CCDC102B: variants seen among roughly 807,000 people sequenced by gnomAD.
The protein encoded by CCDC102B is coiled-coil domain containing 102B, also known as coiled-coil domain-containing protein 102B.
A neutral mutation model predicts 57.4 loss-of-function variants in CCDC102B; 75 were observed. The ratio of observed to expected loss-of-function variants is 1.31; its 90% CI spans 1.08 to 1.58. The LOEUF (loss-of-function observed/expected upper bound fraction) is 1.58. Ranked by LOEUF, CCDC102B falls within the 40% of genes most tolerant of loss-of-function variation. The pLI is 0.00. For synonymous variants in CCDC102B, 206 were observed against 201.9 expected (o/e 1.02, Z -0.17); for missense variants, 636 against 582.6 (o/e 1.09, Z -0.94).
intron 1 of CCDC102B, among the ~76,000 whole-genome samples, chr18:68,827,671 G>C (rs2036960176): frequency 1.3e-5 from 2 of 151,886 alleles, no homozygotes; most frequent in African/African-American, 4.8e-5. Context: ...AAATGTAAAT[G>C]GCCTAAATAG....
At chr18:68,894,691 TAA>T (rs1339789747) in intron 5 of CCDC102B, among the ~76,000 whole-genome samples, 4 of 151,968 alleles carry the variant, frequency 2.6e-5, no homozygotes, top group South Asian at 2.1e-4. Context: ...TATAATTTTA[TAA>T]GACTTTTACT....
In CCDC102B at chr18:69,011,138, C is replaced by T. The variant is rs1338625922; in HGVS notation, c.1434+34C>T. 1.9e-6 allele frequency: 3 copies of T among 1,566,322 alleles called. No homozygotes were observed. The African/African-American group carries it at 4.1e-5, about 21-fold the overall frequency. ...TTATGAGTGAACACGTGCTGGACAG[C>T]TTCTAAATAGTATTTTAGAGCATAT... is the stretch of plus-strand genomic sequence containing the variant. On this transcript the variant is annotated intron_variant, in intron 7 of 7. Coordinates refer to ENST00000360242, the MANE Select transcript of CCDC102B (RefSeq NM_024781.3).
intron 4 of CCDC102B, among the ~76,000 whole-genome samples, chr18:68,858,610 A>T (rs2038591220): frequency 6.6e-6 from 1 of 152,020 alleles, no homozygotes. Context: ...GTACTGGAGG[A>T]TGTTAGGGAG....
At chr18:68,954,888 T>A (rs2049799133) in intron 6 of CCDC102B, among the ~76,000 whole-genome samples, 1 of 152,168 alleles carries the variant, frequency 6.6e-6, no homozygotes, top group Non-Finnish European at 1.5e-5. Flanking sequence ...TATGAAAACA[T>A]CATAACCCTT....
At chr18:68,861,698 T>C (rs2038766081) in intron 4 of CCDC102B, among the ~76,000 whole-genome samples, 1 of 152,166 alleles carries the variant, frequency 6.6e-6, no homozygotes, top group Non-Finnish European at 1.5e-5. Context: ...TTTTAGATGT[T>C]AGTTTTCTTA....
chr18:68,997,462 G>C (rs2051062038), intron 6 of CCDC102B, among the ~76,000 whole-genome samples: 1 of 152,046 alleles, frequency 6.6e-6, no homozygotes, highest in Non-Finnish European at 1.5e-5. Context: ...TCTGGCAAAA[G>C]GAGTATCAGT....
chr18:68,794,165 T>G (rs2035554244), upstream of CCDC102B, among the ~76,000 whole-genome samples: 1 of 152,240 alleles, frequency 6.6e-6, no homozygotes, highest in Non-Finnish European at 1.5e-5. Flanking sequence ...TCTCATGAGG[T>G]TGATTAAAAC....
At chr18:69,057,177 A>C (rs115503260), downstream of CCDC102B, among the ~76,000 whole-genome samples, 307 of 152,142 alleles carry the variant, frequency 2.0e-3, no homozygotes, top group African/African-American at 7.1e-3. Context: ...CCAATACTAC[A>C]TATTTTATGT....
chr18:68,813,774 T>A lies in CCDC102B; in HGVS notation c.-16+15593T>A, dbSNP rs867388438. Among the ~76,000 whole-genome samples, 153 of 145,982 alleles carry A rather than the reference T, an allele frequency of 1.0e-3. 1 individual carries two copies. Among genetic ancestry groups the A allele is most frequent in the South Asian group, 5.4e-3 (25 of 4,656 alleles). On this transcript the variant is annotated intron_variant, in intron 1 of 7. Coordinates refer to ENST00000360242, the MANE Select transcript of CCDC102B (RefSeq NM_024781.3). ...GATGAAGTCATATTAAAATATAATT[T>A]TATATATATATATATATATCTTTAG...
chr18:68,866,049 C>A (rs1161317909), intron 4 of CCDC102B, among the ~76,000 whole-genome samples: 2 of 151,984 alleles, frequency 1.3e-5, no homozygotes, highest in Non-Finnish European at 2.9e-5. Context: ...CATCCATGAA[C>A]ACACAAATTA....
At chr18:68,806,629 C>T (rs1436991116) in intron 1 of CCDC102B, among the ~76,000 whole-genome samples, 1 of 152,024 alleles carries the variant, frequency 6.6e-6, no homozygotes, top group South Asian at 2.1e-4. Flanking sequence ...AAAAGAGAAG[C>T]TCTTAAAGTC....
chr18:68,775,919 T>A lies in CCDC102B; in HGVS notation c.-66-47447T>A, dbSNP rs148468617. On this transcript the variant is annotated intron_variant, in intron 2 of 3. Coordinates refer to the CCDC102B transcript ENST00000578970. ...TGCCTGCCTTGGCCTCCCCAAGTGC[T>A]GGGATTACAGGCGTGAGCCACAAAG... Among the ~76,000 whole-genome samples the A allele has an allele frequency of 9.8e-3, 1,498 of 152,358 alleles. 11 individuals are homozygous for A. Among genetic ancestry groups the A allele is most frequent in the Non-Finnish European group, 0.014 (972 of 68,036 alleles).
intron 5 of CCDC102B, among the ~76,000 whole-genome samples, chr18:68,884,775 A>C (rs1187576554): frequency 1.3e-5 from 2 of 149,732 alleles, no homozygotes; most frequent in Admixed American, 1.3e-4. Flanking sequence ...ATAATGAATC[A>C]GTCTGGAGAT....
chr18:68,737,467 G>C (rs2033191247), intron 2 of CCDC102B, among the ~76,000 whole-genome samples: 1 of 151,632 alleles, frequency 6.6e-6, no homozygotes, highest in Non-Finnish European at 1.5e-5. Flanking sequence ...GGTGGTGGTG[G>C]TGGTAGTGGC....
chr18:68,808,380 C>G (rs1194397517), intron 1 of CCDC102B, among the ~76,000 whole-genome samples: 2 of 150,894 alleles, frequency 1.3e-5, no homozygotes, highest in Non-Finnish European at 1.5e-5. Context: ...TGGTGATATA[C>G]TTGCATGTAT....
chr18:69,040,420 ATGTGTGTGTGTGT>A (rs1568143777), intron 7 of CCDC102B, among the ~76,000 whole-genome samples: 152 of 10,866 alleles, frequency 0.014, 1 homozygote, highest in Middle Eastern at 0.045. Context: ...GTGTGTGTGT[ATGTGTGTGTGTGT>A]GAGATGGCTT....
At chr18:68,729,611 A>C (rs2032766504) in intron 2 of CCDC102B, among the ~76,000 whole-genome samples, 1 of 152,186 alleles carries the variant, frequency 6.6e-6, no homozygotes. Context: ...TAAAGACAAA[A>C]CAATTAATTT....
At chr18:69,053,421 G>T (rs1250422127) in intron 7 of CCDC102B, among the ~76,000 whole-genome samples, 3 of 151,496 alleles carry the variant, frequency 2.0e-5, no homozygotes, top group African/African-American at 4.8e-5. Flanking sequence ...ACAAGTTATA[G>T]TTCAGTGACT....
rs190709780 is a variant in CCDC102B, at chr18:68,769,324, A to G, written c.-67+52730A>G. On this transcript the variant is annotated intron_variant, in intron 2 of 3. Transcript: ENST00000578970. ...ATAAGCACAGAAGGGGATGAAAGCT[A>G]TTATAAGTATGCTCTTCCCATCAGG... Among the ~76,000 whole-genome samples the G allele has an allele frequency of 4.4e-4, 67 of 152,072 alleles. No homozygotes were observed. The East Asian group carries it at 9.7e-3, about 22-fold the overall frequency.
Sources: allele counts gnomAD v4.1 joint callset (sites outside exome capture counted in the v4.1 genomes callset), GRCh38; gene constraint gnomAD v4.1.1; transcripts MANE v1.5; gene names NCBI Gene and HGNC (gene_info 2026-07-23, HGNC 2026-07-21).